The following KIAA0040 variants were observed in gnomAD, a reference collection of about 807,000 sequenced individuals.
The protein encoded by KIAA0040 is uncharacterized protein KIAA0040.
In KIAA0040, 10 loss-of-function variants were observed where a neutral mutation model predicts 7.2. The observed-to-expected ratio is 1.38, with a 90% CI of 0.85 to 2.34. The LOEUF is 2.34. Ranked by LOEUF, KIAA0040 falls within the 30% of genes most tolerant of loss-of-function variation. The probability of loss-of-function intolerance (pLI) is 0.00; values close to 1 mark genes in which losing one functional copy is unlikely to be tolerated. For synonymous variants in KIAA0040, 49 were observed against 40.1 expected (o/e 1.22, Z -0.84); for missense variants, 89 against 108.2 (o/e 0.82, Z 0.79).
intron 3 of KIAA0040, among the ~76,000 whole-genome samples, chr1:175,164,544 G>C (rs1477873029): frequency 6.6e-6 from 1 of 151,638 alleles, no homozygotes; most frequent in Non-Finnish European, 1.5e-5. Context: ...CCATCCCTTG[G>C]CACCTAAAAT....
intron 1 of KIAA0040, among the ~76,000 whole-genome samples, chr1:175,178,311 G>A (rs1053297958): frequency 6.6e-6 from 1 of 152,238 alleles, no homozygotes; most frequent in Non-Finnish European, 1.5e-5. Flanking sequence ...TGAGCAGAAG[G>A]AATGGTACCT....
intron 3 of KIAA0040, among the ~76,000 whole-genome samples, chr1:175,166,317 G>A (rs1380049957): frequency 3.3e-5 from 5 of 152,322 alleles, no homozygotes; most frequent in African/African-American, 1.2e-4. Flanking sequence ...GCTACGAAGA[G>A]TCATTTAAGG....
chr1:175,161,678 T>G (rs1676550834), intron 3 of KIAA0040, among the ~76,000 whole-genome samples: 2 of 152,194 alleles, frequency 1.3e-5, no homozygotes, highest in Admixed American at 1.3e-4. Flanking sequence ...TCCTCTGGGC[T>G]AAGAGGTCAT....
intron 2 of KIAA0040, among the ~76,000 whole-genome samples, chr1:175,168,030 C>T (rs1296803488): frequency 6.6e-6 from 1 of 152,172 alleles, no homozygotes. Context: ...GCTCTCAAAC[C>T]ACACTGCCTT....
At chr1:175,175,893 G>T (rs1427673280) in intron 2 of KIAA0040, among the ~76,000 whole-genome samples, 1 of 152,078 alleles carries the variant, frequency 6.6e-6, no homozygotes, top group African/African-American at 2.4e-5. Flanking sequence ...AGGGGAGGGG[G>T]AAGGGATAGC....
chr1:175,169,028 G>C (rs911313586), intron 2 of KIAA0040, among the ~76,000 whole-genome samples: 1 of 152,182 alleles, frequency 6.6e-6, no homozygotes, highest in African/African-American at 2.4e-5. Context: ...GTGTGGAGCA[G>C]AGCACCCCTG....
intron 2 of KIAA0040, among the ~76,000 whole-genome samples, chr1:175,173,973 C>T (rs548870990): frequency 6.6e-6 from 1 of 152,272 alleles, no homozygotes; most frequent in Admixed American, 6.5e-5. Flanking sequence ...ACTAACCTCC[C>T]ACATGGCCAC....
chr1:175,169,139 T>A (rs1676886038), intron 2 of KIAA0040, among the ~76,000 whole-genome samples: 1 of 152,258 alleles, frequency 6.6e-6, no homozygotes, highest in Non-Finnish European at 1.5e-5. Context: ...CTATCCTGCC[T>A]AATACAAGTG....
At chr1:175,173,729 G>A (rs932159273) in intron 2 of KIAA0040, among the ~76,000 whole-genome samples, 1 of 152,178 alleles carries the variant, frequency 6.6e-6, no homozygotes, top group Admixed American at 6.5e-5. Context: ...GATGCCTTCT[G>A]TGACCTCAAG....
At chr1:175,164,123 T>C (rs903426906) in intron 3 of KIAA0040, among the ~76,000 whole-genome samples, 1 of 152,116 alleles carries the variant, frequency 6.6e-6, no homozygotes, top group African/African-American at 2.4e-5. Context: ...GGGGCCGTCA[T>C]AGGGTTTGCG....
At chr1:175,161,533 T>C (rs1360972902) in intron 3 of KIAA0040, among the ~76,000 whole-genome samples, 2 of 152,216 alleles carry the variant, frequency 1.3e-5, no homozygotes, top group African/African-American at 2.4e-5. Flanking sequence ...TGACAGATGT[T>C]GAACACACAC....
chr1:175,187,300 G>A (rs982030569), intron 1 of KIAA0040, among the ~76,000 whole-genome samples: 3 of 152,178 alleles, frequency 2.0e-5, no homozygotes, highest in African/African-American at 7.2e-5. Flanking sequence ...TTGGATGGAC[G>A]TTTGTTTACT....
chr1:175,167,253 G>A (rs147629304), intron 2 of KIAA0040, among the ~76,000 whole-genome samples: 1,685 of 152,262 alleles, frequency 0.011, 20 homozygotes, highest in South Asian at 0.021. Context: ...CAAGTAATAT[G>A]CTTGATAGGC....
rs1343148374 is a variant in KIAA0040, at chr1:175,158,230, T to C, written c.*2484A>G. ...GGAAAAGAGAGGCCCCATTCTGGGT[T>C]TGGCTCTTCTGAGTCATCGGCTGTG... On this transcript the variant is annotated 3_prime_UTR_variant, in exon 4 of 4. Transcript: ENST00000423313. The C allele has an allele frequency of 6.6e-6, 1 of 152,472 alleles. No individual in the cohort carries two copies. Among genetic ancestry groups the C allele is most frequent in the East Asian group, 1.9e-4 (1 of 5,188 alleles). The allele number at this position is 152,472 out of a possible 1,614,324, so 9.4% of individuals were successfully genotyped here.
intron 2 of KIAA0040, among the ~76,000 whole-genome samples, chr1:175,168,637 G>A (rs1676867843): frequency 2.0e-5 from 3 of 152,130 alleles, no homozygotes; most frequent in South Asian, 4.1e-4. Context: ...TTTATTGATG[G>A]GAAATCTGGG....
At position 175,166,672 on chromosome 1, in the gene KIAA0040, C is replaced by G. The variant is rs1028768814; in HGVS notation, c.-244G>C. On this transcript the variant is annotated 5_prime_UTR_variant, in exon 3 of 4. Transcript: ENST00000423313. ...GCCAGAACTGCTTTCCTGGAGGTCA[C>G]GTTCAACGTAGTAAACAATCGCTGA... 6.6e-6 allele frequency: 1 copy of G among 152,142 alleles called. No individual in the cohort carries two copies. Among genetic ancestry groups the G allele is most frequent in the African/African-American group, 2.4e-5 (1 of 41,410 alleles). 9.4% of individuals were successfully genotyped at this position (152,142 alleles called of 1,614,324 possible).
intron 2 of KIAA0040, among the ~76,000 whole-genome samples, chr1:175,170,880 CATCTAAACTAGAAGT>C (rs1558393250): frequency 5.6e-4 from 1 of 1,776 alleles, no homozygotes; most frequent in Non-Finnish European, 1.3e-3. Context: ...AGAAGTATGA[CATCTAAACTAGAAGT>C]ATGACATCTA....
In KIAA0040 at chr1:175,160,719, C is replaced by T. The variant is rs1676494060; in HGVS notation, c.295G>A (p.Val99Ile). The change falls in exon 4 of 4, where the codon GTT (valine) becomes ATT (isoleucine). Residue 99 changes from valine to isoleucine, a missense_variant. Transcript: ENST00000423313. ...CACCTCTGCTTCCTGCCTAACTAAA[C>T]AGGCAGTGATGGTCTCTTCTCCATC... Reference protein sequence around the residue: ...LQMEKRPSLPV With the variant: ...LQMEKRPSLPI 1 of 1,545,182 alleles carries T rather than the reference C, an allele frequency of 6.5e-7. No individual in the cohort carries two copies. Among genetic ancestry groups the T allele is most frequent in the South Asian group, 1.2e-5 (1 of 83,332 alleles).
chr1:175,169,321 C>T (rs1228757719), intron 2 of KIAA0040, among the ~76,000 whole-genome samples: 4 of 152,156 alleles, frequency 2.6e-5, no homozygotes, highest in Non-Finnish European at 5.9e-5. Context: ...AACCAGATAT[C>T]CTGGGTCTGA....
Sources: gnomAD v4.1 joint callset for allele counts (sites outside exome capture counted in the v4.1 genomes callset) on GRCh38, gnomAD v4.1.1 for gene constraint, MANE v1.5 for transcripts, NCBI Gene and HGNC (gene_info 2026-07-23, HGNC 2026-07-21) for gene names.